Variants in MSR1 observed in about 807,000 individuals in gnomAD.
The protein encoded by MSR1 is macrophage scavenger receptor 1.
A neutral mutation model predicts 47.2 loss-of-function variants in MSR1; 53 were observed. The ratio of observed to expected loss-of-function variants is 1.12; its 90% CI spans 0.90 to 1.41. The LOEUF is 1.41. MSR1 is among the 40% of genes most tolerant of loss of function. The pLI is 0.00. For missense variants in MSR1, 786 were observed against 546.9 expected (o/e 1.44, Z -4.36); for synonymous variants, 239 against 185.6 (o/e 1.29, Z -2.34).
intron 2 of MSR1, among the ~76,000 whole-genome samples, chr8:16,177,354 G>T (rs896520345): frequency 2.0e-5 from 3 of 152,000 alleles, no homozygotes; most frequent in African/African-American, 7.3e-5. Flanking sequence ...GAAGAAGGCG[G>T]GAAAGATGAG....
At chr8:16,117,135 G>A in intron 9 of MSR1, among the ~76,000 whole-genome samples, 1 of 152,128 alleles carries the variant, frequency 6.6e-6, no homozygotes, top group East Asian at 1.9e-4. Flanking sequence ...AGCAGCAGGT[G>A]AGTGAGCAAA....
At chr8:16,134,997 G>A (rs1269528194) in intron 8 of MSR1, among the ~76,000 whole-genome samples, 1 of 152,138 alleles carries the variant, frequency 6.6e-6, no homozygotes, top group Non-Finnish European at 1.5e-5. Context: ...AGCTAGCAGA[G>A]GTTGGTTCAT....
intron 1 of MSR1, among the ~76,000 whole-genome samples, chr8:16,178,277 C>A (rs1462943654): frequency 6.7e-6 from 1 of 149,340 alleles, no homozygotes; most frequent in Non-Finnish European, 1.5e-5. Context: ...ACAACAGGCC[C>A]CAGTGTGTGA....
At position 16,109,532 on chromosome 8, in the gene MSR1, A is replaced by G. The variant is rs546268428; in HGVS notation, c.*553T>C. On this transcript the variant is annotated 3_prime_UTR_variant, in exon 10 of 10. Coordinates refer to ENST00000262101, the MANE Select transcript of MSR1 (RefSeq NM_138715.3). ...CTCCCTGGTCCATAGTGGCCAAGACATATCATTAACATTGATATCTAATAC... is the reference window on the plus strand; with the variant it reads ...CTCCCTGGTCCATAGTGGCCAAGACGTATCATTAACATTGATATCTAATAC... 1.3e-5 allele frequency: 2 copies of G among 159,036 alleles called. No homozygotes were observed. Among genetic ancestry groups the G allele is most frequent in the East Asian group, 3.6e-4 (2 of 5,508 alleles). The allele number at this position is 159,036 out of a possible 1,614,324, so 9.9% of individuals were successfully genotyped here.
At chr8:16,121,581 C>T (rs2117064609) in intron 8 of MSR1, among the ~76,000 whole-genome samples, 3 of 151,476 alleles carry the variant, frequency 2.0e-5, no homozygotes, top group Middle Eastern at 6.8e-3. Flanking sequence ...AATTATTTGG[C>T]TAAAGAACAG....
chr8:16,140,678 C>A (rs922244839), intron 8 of MSR1: 3 of 1,298,518 alleles, frequency 2.3e-6, no homozygotes, highest in Non-Finnish European at 2.9e-6. Context: ...GACTCTAGGT[C>A]AATGGGTGGC....
At chr8:16,121,883 G>T (rs12114791) in intron 8 of MSR1, among the ~76,000 whole-genome samples, 15 of 151,450 alleles carry the variant, frequency 9.9e-5, no homozygotes, top group Non-Finnish European at 2.2e-4. Context: ...TTGTTAGAAC[G>T]GTAATCTAAT....
chr8:16,167,810 TTTC>T (rs1801358434), intron 4 of MSR1, among the ~76,000 whole-genome samples: 1 of 152,182 alleles, frequency 6.6e-6, no homozygotes, highest in Non-Finnish European at 1.5e-5. Flanking sequence ...CTATGGACAG[TTTC>T]TTCTTTGTAC....
intron 5 of MSR1, among the ~76,000 whole-genome samples, chr8:16,161,763 T>C (rs576619673): frequency 1.1e-4 from 16 of 152,118 alleles, no homozygotes; most frequent in African/African-American, 3.4e-4. Flanking sequence ...TGTCTATATA[T>C]AGTTTTCTGG....
intron 8 of MSR1, among the ~76,000 whole-genome samples, chr8:16,141,267 G>C (rs996667556): frequency 6.6e-6 from 1 of 152,034 alleles, no homozygotes; most frequent in Non-Finnish European, 1.5e-5. Flanking sequence ...TGTAACCTTT[G>C]AACCATTGAT....
At chr8:16,171,905 A>G (rs1157141463) in intron 3 of MSR1, among the ~76,000 whole-genome samples, 1 of 152,194 alleles carries the variant, frequency 6.6e-6, no homozygotes, top group African/African-American at 2.4e-5. Context: ...GGGTACTAAT[A>G]GTCAGTGTCC....
chr8:16,118,383 A>G (rs1004241898), intron 9 of MSR1, among the ~76,000 whole-genome samples: 4 of 152,272 alleles, frequency 2.6e-5, no homozygotes, highest in Non-Finnish European at 5.9e-5. Flanking sequence ...TTTTAAATAA[A>G]TGGTCTTTCA....
chr8:16,192,254 T>C (rs1410089246), intron 1 of MSR1, among the ~76,000 whole-genome samples: 1 of 152,158 alleles, frequency 6.6e-6, no homozygotes, highest in Non-Finnish European at 1.5e-5. Flanking sequence ...TGTCAAATTA[T>C]ACTTTGAATA....
chr8:16,156,705 AT>A (rs146919303), intron 5 of MSR1, among the ~76,000 whole-genome samples: 6,503 of 150,012 alleles, frequency 0.043, 471 homozygotes, highest in African/African-American at 0.14. Flanking sequence ...GTGTACGTGT[AT>A]TTTTTTTTTC....
intron 1 of MSR1, among the ~76,000 whole-genome samples, chr8:16,191,923 G>A (rs1179347776): frequency 6.6e-6 from 1 of 151,932 alleles, no homozygotes; most frequent in Admixed American, 6.6e-5. Context: ...TTTTGGCCTC[G>A]CCTATATTTT....
rs939716493 is a variant in MSR1 at position 16,109,812 on chromosome 8, T to C, written c.*273A>G. On this transcript the variant is annotated 3_prime_UTR_variant, in exon 10 of 10. Coordinates refer to ENST00000262101, the MANE Select transcript of MSR1 (RefSeq NM_138715.3). ...TTTCTATTACCCTTGGCCTTTGTAA[T>C]CTGGAAGCTATAAACTTCAAAATGT... The C allele has an allele frequency of 9.3e-6, 4 of 431,506 alleles. No individual in the cohort carries two copies. In the Middle Eastern group the frequency reaches 2.0e-3, roughly 214 times the overall value. 26.7% of individuals were successfully genotyped at this position (431,506 alleles called of 1,614,324 possible).
intron 6 of MSR1, 88 bp from the exon 7 acceptor site, chr8:16,150,399 G>C: frequency 3.4e-6 from 2 of 586,596 alleles, no homozygotes; most frequent in Admixed American, 3.3e-5. Context: ...TTTTATAAGT[G>C]AATATGAAAT....
intron 1 of MSR1, among the ~76,000 whole-genome samples, chr8:16,184,289 G>C (rs1169950342): frequency 6.6e-6 from 1 of 151,922 alleles, no homozygotes; most frequent in East Asian, 1.9e-4. Context: ...AAAGGAGAGG[G>C]GTCCTGCACA....
chr8:16,164,673 A>G (rs2117171134), intron 4 of MSR1, among the ~76,000 whole-genome samples: 1 of 152,124 alleles, frequency 6.6e-6, no homozygotes, highest in Middle Eastern at 3.4e-3. Context: ...TTTTATAGTA[A>G]TAAGTGAAGT....
Sources: gnomAD v4.1 joint callset for allele counts (sites outside exome capture counted in the v4.1 genomes callset) on GRCh38, gnomAD v4.1.1 for gene constraint, MANE v1.5 for transcripts, NCBI Gene and HGNC (gene_info 2026-07-23, HGNC 2026-07-21) for gene names.